The following GRK5 variants were observed in gnomAD, a reference collection of about 807,000 sequenced individuals.
GRK5 encodes G protein-coupled receptor kinase 5.
Under a neutral mutation model 78.4 loss-of-function variants are expected in GRK5, and 40 were observed. That is an observed-to-expected ratio of 0.51 (90% CI 0.40 to 0.66). GRK5 has a LOEUF of 0.66. Ranked by LOEUF, GRK5 falls within the 30% of genes least tolerant of loss-of-function variation. The pLI, the probability that GRK5 is intolerant of heterozygous loss-of-function variation, is 0.00. For missense variants in GRK5, 598 were observed against 759.9 expected (o/e 0.79, Z 2.50); for synonymous variants, 289 against 296.8 (o/e 0.97, Z 0.27).
At chr10:119,369,153 C>T (rs149437600) in intron 2 of GRK5, among the ~76,000 whole-genome samples, 22 of 152,290 alleles carry the variant, frequency 1.4e-4, no homozygotes, top group Admixed American at 1.2e-3. Context: ...AAAATACTGA[C>T]GCCCTGGAGA....
intron 2 of GRK5, chr10:119,333,514 G>A (rs1850820276): frequency 6.7e-6 from 2 of 298,846 alleles, no homozygotes; most frequent in Admixed American, 4.5e-5. Context: ...GGAGTAAACA[G>A]GCTTCAAGGG....
At chr10:119,310,175 A>G (rs952382906) in intron 1 of GRK5, among the ~76,000 whole-genome samples, 3 of 152,226 alleles carry the variant, frequency 2.0e-5, no homozygotes, top group African/African-American at 7.2e-5. Context: ...AATTCTGGGG[A>G]GAGCGGAAGT....
chr10:119,293,989 C>T (rs1484105804), intron 1 of GRK5, among the ~76,000 whole-genome samples: 2 of 152,096 alleles, frequency 1.3e-5, no homozygotes, highest in Admixed American at 1.3e-4. Flanking sequence ...CAACCTCCAC[C>T]CCCACCTCTG....
intron 1 of GRK5, 143 bp downstream of exon 1, chr10:119,208,112 G>C (rs1848420763): frequency 2.8e-6 from 2 of 716,126 alleles, no homozygotes; most frequent in Non-Finnish European, 4.5e-6. Context: ...TCGGAGAGCG[G>C]CTCTGCAGAC....
intron 2 of GRK5, among the ~76,000 whole-genome samples, chr10:119,327,310 G>A (rs1026993875): frequency 6.6e-6 from 1 of 152,218 alleles, no homozygotes; most frequent in Non-Finnish European, 1.5e-5. Flanking sequence ...GTGCCTGGGC[G>A]AGAGCGCCCA....
At chr10:119,304,765 G>C (rs931229049) in intron 1 of GRK5, among the ~76,000 whole-genome samples, 1 of 152,202 alleles carries the variant, frequency 6.6e-6, no homozygotes, top group East Asian at 1.9e-4. Flanking sequence ...TAGGGGTAGG[G>C]CATGAGAACC....
intron 1 of GRK5, among the ~76,000 whole-genome samples, chr10:119,313,941 G>A (rs1280650489): frequency 6.6e-6 from 1 of 152,204 alleles, no homozygotes; most frequent in Admixed American, 6.5e-5. Context: ...GGAGGTGCTG[G>A]CACCTGCCCA....
intron 1 of GRK5, among the ~76,000 whole-genome samples, chr10:119,275,613 G>T (rs61874484): frequency 0.33 from 38,906 of 118,462 alleles, 5,520 homozygotes; most frequent in East Asian, 0.53. Context: ...TCTCTCTCTC[G>T]CACACACACA....
chr10:119,424,546 AC>A (rs1478370468), intron 5 of GRK5, among the ~76,000 whole-genome samples: 1 of 139,850 alleles, frequency 7.2e-6, no homozygotes, highest in Non-Finnish European at 1.6e-5. Flanking sequence ...CTGTGGCCCC[AC>A]CCTTCCCCCA....
chr10:119,237,291 G>A lies in GRK5; in HGVS notation c.52+29322G>A, dbSNP rs545140519. Reference sequence around the variant, plus strand: ...TTGGCCAGGCTGGTCTCGAACTCCTGCACTCAAGTGATTTGCCCCCGTTGG... The same window carrying A: ...TTGGCCAGGCTGGTCTCGAACTCCTACACTCAAGTGATTTGCCCCCGTTGG... On this transcript the variant is annotated intron_variant, in intron 1 of 15. Transcript: ENST00000392870. Among the ~76,000 whole-genome samples the A allele has an allele frequency of 3.4e-4, 52 of 152,244 alleles. 1 individual carries two copies. In the South Asian group the frequency reaches 0.011, roughly 32 times the overall value.
chr10:119,344,824 CT>C (rs1851051543), intron 2 of GRK5, among the ~76,000 whole-genome samples: 1 of 151,882 alleles, frequency 6.6e-6, no homozygotes, highest in Non-Finnish European at 1.5e-5. Context: ...CTTCCCACCC[CT>C]GGCAGTCCCC....
At chr10:119,390,953 C>T (rs1000330351) in intron 3 of GRK5, among the ~76,000 whole-genome samples, 1 of 152,166 alleles carries the variant, frequency 6.6e-6, no homozygotes, top group African/African-American at 2.4e-5. Flanking sequence ...CTGAGAGAGG[C>T]GAGCCTGTCC....
intron 4 of GRK5, among the ~76,000 whole-genome samples, chr10:119,410,180 G>A (rs147462085): frequency 1.4e-3 from 210 of 152,360 alleles, no homozygotes; most frequent in Non-Finnish European, 2.4e-3. Flanking sequence ...ATTGCATTTT[G>A]TTAATTATCG....
At chr10:119,364,564 T>C (rs1045804079) in intron 2 of GRK5, among the ~76,000 whole-genome samples, 9 of 152,178 alleles carry the variant, frequency 5.9e-5, no homozygotes, top group Non-Finnish European at 4.4e-5. Context: ...AGGAAGGGTC[T>C]CTGCCTCCCT....
intron 1 of GRK5, among the ~76,000 whole-genome samples, chr10:119,319,141 T>G (rs2133752812): frequency 6.6e-6 from 1 of 152,270 alleles, no homozygotes; most frequent in African/African-American, 2.4e-5. Context: ...CTGCCCTGCC[T>G]TCCCCTTAAC....
At chr10:119,432,557 C>T (rs774479038) in intron 8 of GRK5, among the ~76,000 whole-genome samples, 10 of 152,254 alleles carry the variant, frequency 6.6e-5, no homozygotes, top group African/African-American at 9.6e-5. Flanking sequence ...TGAGTAATCA[C>T]TCCAGGCATG....
intron 2 of GRK5, among the ~76,000 whole-genome samples, chr10:119,352,443 C>T (rs574873887): frequency 6.6e-6 from 1 of 152,282 alleles, no homozygotes; most frequent in East Asian, 1.9e-4. Context: ...GGAGGCTGCC[C>T]ACTGTGTGCT....
chr10:119,324,508 T>C (rs1475321051), intron 1 of GRK5, among the ~76,000 whole-genome samples: 1 of 152,110 alleles, frequency 6.6e-6, no homozygotes, highest in African/African-American at 2.4e-5. Flanking sequence ...CACATCTGTA[T>C]TCCCAGCTAC....
intron 1 of GRK5, among the ~76,000 whole-genome samples, chr10:119,256,919 C>T (rs543995970): frequency 7.9e-5 from 12 of 152,320 alleles, no homozygotes; most frequent in African/African-American, 1.4e-4. Flanking sequence ...CCCTGGCAAC[C>T]GCCAATCTGG....
Sources: gnomAD v4.1 joint callset for allele counts (sites outside exome capture counted in the v4.1 genomes callset) on GRCh38, gnomAD v4.1.1 for gene constraint, MANE v1.5 for transcripts, NCBI Gene and HGNC (gene_info 2026-07-23, HGNC 2026-07-21) for gene names.